Variants in GRM8 observed in about 807,000 individuals in gnomAD.
The protein encoded by GRM8 is metabotropic glutamate receptor 8.
GRM8 carries 47 observed loss-of-function variants against 87.2 expected under a neutral mutation model. The ratio of observed to expected loss-of-function variants is 0.54; its 90% CI spans 0.43 to 0.69. The LOEUF (loss-of-function observed/expected upper bound fraction) is 0.69, where lower values mean the gene tolerates loss of function less well. Ranked by LOEUF, GRM8 falls within the 30% of genes least tolerant of loss-of-function variation. GRM8 has a pLI of 0.00. For synonymous variants in GRM8, 396 were observed against 404.5 expected (o/e 0.98, Z 0.25); for missense variants, 1,019 against 1,139.2 (o/e 0.89, Z 1.52).
chr7:127,168,210 C>T (rs1793571124), intron 2 of GRM8, among the ~76,000 whole-genome samples: 1 of 152,180 alleles, frequency 6.6e-6, no homozygotes, highest in Non-Finnish European at 1.5e-5. Flanking sequence ...TGAACAGACA[C>T]TTCTCAAAAG....
intron 6 of GRM8, among the ~76,000 whole-genome samples, chr7:126,801,322 C>T (rs945900115): frequency 6.6e-6 from 1 of 152,130 alleles, no homozygotes; most frequent in African/African-American, 2.4e-5. Flanking sequence ...GTAGAGGTGA[C>T]GTCTATTAAA....
intron 6 of GRM8, among the ~76,000 whole-genome samples, chr7:126,787,334 C>T (rs572072398): frequency 2.0e-5 from 3 of 152,100 alleles, no homozygotes; most frequent in African/African-American, 4.8e-5. Flanking sequence ...TGGGAGTCAA[C>T]AAAAAGAGGG....
intron 7 of GRM8, among the ~76,000 whole-genome samples, chr7:126,668,057 A>T (rs932960920): frequency 1.3e-5 from 2 of 152,174 alleles, no homozygotes; most frequent in Non-Finnish European, 2.9e-5. Context: ...ACTGGGGTGG[A>T]GCCACAGAAG....
intron 7 of GRM8, among the ~76,000 whole-genome samples, chr7:126,706,850 C>A (rs1393531171): frequency 2.0e-5 from 3 of 152,154 alleles, no homozygotes; most frequent in Non-Finnish European, 2.9e-5. Context: ...CAATGGTCCT[C>A]CTTATTCAAT....
intron 3 of GRM8, among the ~76,000 whole-genome samples, chr7:127,095,105 T>G (rs1426118128): frequency 6.6e-6 from 1 of 152,144 alleles, no homozygotes; most frequent in Non-Finnish European, 1.5e-5. Context: ...GAATAGGTAG[T>G]ATGTCATGGT....
intron 8 of GRM8, among the ~76,000 whole-genome samples, chr7:126,599,634 T>A (rs1386568727): frequency 6.6e-6 from 1 of 152,148 alleles, no homozygotes; most frequent in Non-Finnish European, 1.5e-5. Context: ...CCATTTGTAC[T>A]GAAATGTTTT....
At chr7:126,929,689 C>T (rs1805536566) in intron 3 of GRM8, among the ~76,000 whole-genome samples, 1 of 152,114 alleles carries the variant, frequency 6.6e-6, no homozygotes, top group Admixed American at 6.5e-5. Context: ...CCCCCTCAGC[C>T]TCCCAAAGTG....
intron 8 of GRM8, among the ~76,000 whole-genome samples, chr7:126,539,527 C>T (rs1217517628): frequency 2.6e-5 from 4 of 151,866 alleles, no homozygotes; most frequent in African/African-American, 7.2e-5. Flanking sequence ...TTCACATTTC[C>T]TCATTTTAAA....
intron 8 of GRM8, among the ~76,000 whole-genome samples, chr7:126,549,257 G>A (rs954368409): frequency 6.6e-6 from 1 of 151,976 alleles, no homozygotes; most frequent in East Asian, 1.9e-4. Flanking sequence ...AAAGATATGA[G>A]GAAAGATTTT....
intron 7 of GRM8, among the ~76,000 whole-genome samples, chr7:126,665,025 A>G (rs1178824304): frequency 6.6e-6 from 1 of 152,188 alleles, no homozygotes; most frequent in African/African-American, 2.4e-5. Context: ...GCTCAACATC[A>G]TTAATCATCA....
At chr7:127,082,552 T>C (rs1325418821) in intron 3 of GRM8, among the ~76,000 whole-genome samples, 1 of 152,218 alleles carries the variant, frequency 6.6e-6, no homozygotes, top group Non-Finnish European at 1.5e-5. Context: ...TAGTTCAATG[T>C]GCAAAGCATT....
intron 3 of GRM8, among the ~76,000 whole-genome samples, chr7:127,010,638 A>G (rs747349173): frequency 1.3e-5 from 2 of 152,198 alleles, no homozygotes; most frequent in Non-Finnish European, 2.9e-5. Flanking sequence ...ACCTTTACCC[A>G]ACAACATTGT....
chr7:126,678,875 G>A (rs1006251643), intron 7 of GRM8, among the ~76,000 whole-genome samples: 1 of 152,172 alleles, frequency 6.6e-6, no homozygotes, highest in African/African-American at 2.4e-5. Context: ...TAAAAATATT[G>A]TAACTGGTAA....
intron 9 of GRM8, among the ~76,000 whole-genome samples, chr7:126,465,524 G>A (rs1804392501): frequency 6.6e-6 from 1 of 151,548 alleles, no homozygotes; most frequent in East Asian, 1.9e-4. Context: ...CTATTTTGTA[G>A]TTTTCGATGT....
chr7:126,498,382 G>A (rs1011892115), intron 9 of GRM8, among the ~76,000 whole-genome samples: 2 of 151,952 alleles, frequency 1.3e-5, no homozygotes, highest in East Asian at 3.9e-4. Context: ...TCTTTCTCAG[G>A]ACCATAAAAG....
At chr7:126,668,191 C>A (rs1311127302) in intron 7 of GRM8, among the ~76,000 whole-genome samples, 1 of 152,044 alleles carries the variant, frequency 6.6e-6, no homozygotes, top group African/African-American at 2.4e-5. Flanking sequence ...CCCTGTTTAC[C>A]CCCCTTTCTT....
At chr7:127,009,382 T>C (rs1040863870) in intron 3 of GRM8, among the ~76,000 whole-genome samples, 11 of 152,192 alleles carry the variant, frequency 7.2e-5, no homozygotes, top group Non-Finnish European at 1.5e-4. Flanking sequence ...CATAAGACGC[T>C]AAAGTGTTAA....
intron 7 of GRM8, among the ~76,000 whole-genome samples, chr7:126,611,408 A>G (rs1449366720): frequency 6.6e-6 from 1 of 152,218 alleles, no homozygotes; most frequent in African/African-American, 2.4e-5. Flanking sequence ...TTCACTGCAC[A>G]TTTACTTTCA....
chr7:126,533,074 T>G lies in GRM8; in HGVS notation c.2308A>C (p.Thr770Pro). 1 of 1,613,514 alleles carries G rather than the reference T, an allele frequency of 6.2e-7. No homozygotes were observed. Among genetic ancestry groups the G allele is most frequent in the Non-Finnish European group, 8.5e-7 (1 of 1,179,788 alleles). Residue 770 changes from threonine (T) to proline (P), a missense_variant, in exon 9 of 11, where the codon ACG becomes CCG. Coordinates refer to ENST00000339582, the MANE Select transcript of GRM8 (RefSeq NM_000845.3). The part of the protein sequence containing the change: ...MVTCTVYAIK[T>P]RGVPETFNEA... ...TTGAAAGTCTCTGGGACACCTCTCG[T>G]TTTAATGGCATAAACAGTACAAGTG...
Sources: allele counts gnomAD v4.1 joint callset (sites outside exome capture counted in the v4.1 genomes callset), GRCh38; gene constraint gnomAD v4.1.1; transcripts MANE v1.5; gene names NCBI Gene and HGNC (gene_info 2026-07-23, HGNC 2026-07-21).